The following GPHN variants were observed in gnomAD, a reference collection of about 807,000 sequenced individuals.
GPHN encodes the protein gephyrin.
In GPHN, 17 loss-of-function variants were observed where a neutral mutation model predicts 95.5. The observed-to-expected ratio is 0.18, with a 90% CI of 0.12 to 0.27. The LOEUF (loss-of-function observed/expected upper bound fraction) is 0.27. Ranked by LOEUF, GPHN falls within the 10% of genes least tolerant of loss-of-function variation. The pLI is 1.00. For synonymous variants in GPHN, 320 were observed against 322.5 expected (o/e 0.99, Z 0.08); for missense variants, 660 against 978.1 (o/e 0.67, Z 4.34).
the GPHN span, among the ~76,000 whole-genome samples, chr14:67,625,060 T>C: frequency 6.6e-6 from 1 of 152,030 alleles, no homozygotes; most frequent in South Asian, 2.1e-4. Context: ...TTTCCTAAAA[T>C]TGTCCATTCA....
chr14:67,071,234 A>G (rs2076293993), intron 11 of GPHN, among the ~76,000 whole-genome samples: 1 of 152,226 alleles, frequency 6.6e-6, no homozygotes, highest in Non-Finnish European at 1.5e-5. Context: ...GAACCAACCC[A>G]AATGTCCATC....
the GPHN span, chr14:67,591,810 C>T: frequency 6.6e-6 from 1 of 150,460 alleles, no homozygotes; most frequent in Non-Finnish European, 1.5e-5. Context: ...GTTGGGATTA[C>T]AGGCATGAGC....
chr14:66,810,460 GA>G (rs1447656110), intron 3 of GPHN, among the ~76,000 whole-genome samples: 6 of 151,300 alleles, frequency 4.0e-5, no homozygotes, highest in African/African-American at 2.4e-5. Context: ...ATTCATCATG[GA>G]AAAAAATGTT....
At chr14:67,329,617 T>C in the GPHN span, among the ~76,000 whole-genome samples, 1 of 152,134 alleles carries the variant, frequency 6.6e-6, no homozygotes, top group Non-Finnish European at 1.5e-5. Context: ...TGTGGGTTTG[T>C]CATAAATAGC....
intron 12 of GPHN, among the ~76,000 whole-genome samples, chr14:67,089,933 T>G (rs1013338172): frequency 2.0e-5 from 3 of 152,286 alleles, no homozygotes; most frequent in Admixed American, 6.5e-5. Context: ...TTGTTTTTGT[T>G]TTTCCATGTA....
At chr14:66,964,245 A>G (rs1214594131) in intron 8 of GPHN, among the ~76,000 whole-genome samples, 1 of 152,186 alleles carries the variant, frequency 6.6e-6, no homozygotes, top group Non-Finnish European at 1.5e-5. Context: ...AATAACCAAC[A>G]CATTAAATAT....
At chr14:66,654,621 C>G (rs113112605) in intron 1 of GPHN, among the ~76,000 whole-genome samples, 77 of 152,124 alleles carry the variant, frequency 5.1e-4, no homozygotes, top group African/African-American at 1.6e-3. Context: ...CACTTTCTTA[C>G]CAGGGTTTTT....
chr14:67,727,240 G>C, the GPHN span: 1 of 1,449,566 alleles, frequency 6.9e-7, no homozygotes, highest in South Asian at 1.2e-5. Flanking sequence ...GACCAAATTA[G>C]AGGTCCACAG....
At chr14:67,381,926 C>T in the GPHN span, among the ~76,000 whole-genome samples, 2 of 152,074 alleles carry the variant, frequency 1.3e-5, no homozygotes, top group Non-Finnish European at 2.9e-5. Context: ...TGGTAGAAAG[C>T]CAGCGATGCC....
the GPHN span, chr14:67,575,840 G>A: frequency 6.2e-7 from 1 of 1,613,698 alleles, no homozygotes; most frequent in Non-Finnish European, 8.5e-7. Context: ...TGGGCTGCCT[G>A]CCTGTGCGGG....
At chr14:67,055,276 CAAGAG>C (rs1175003524) in intron 10 of GPHN, among the ~76,000 whole-genome samples, 1 of 152,138 alleles carries the variant, frequency 6.6e-6, no homozygotes, top group East Asian at 1.9e-4. Context: ...AGACACTTCT[CAAGAG>C]AAGATATACA....
chr14:66,943,888 C>T (rs184740719), intron 8 of GPHN, among the ~76,000 whole-genome samples: 3 of 152,256 alleles, frequency 2.0e-5, no homozygotes, highest in Non-Finnish European at 2.9e-5. Context: ...ACCTAATAAA[C>T]AGGCATAGAT....
At chr14:66,611,859 C>T (rs889702453) in intron 1 of GPHN, among the ~76,000 whole-genome samples, 1 of 152,096 alleles carries the variant, frequency 6.6e-6, no homozygotes, top group Admixed American at 6.6e-5. Flanking sequence ...CCATACTATT[C>T]TTCACTGCTA....
chr14:67,336,776 T>TTAAAG, the GPHN span: 2 of 455,902 alleles, frequency 4.4e-6, no homozygotes, highest in Non-Finnish European at 8.8e-6. Context: ...TTACCTATTT[T>TTAAAG]TAAAGTACTT....
the GPHN span, among the ~76,000 whole-genome samples, chr14:67,295,820 T>C: frequency 3.9e-5 from 6 of 152,228 alleles, no homozygotes; most frequent in Non-Finnish European, 8.8e-5. Context: ...CTAAAGCTAA[T>C]GTACCTATAT....
intron 3 of GPHN, among the ~76,000 whole-genome samples, chr14:66,804,235 A>G (rs1348766115): frequency 1.3e-5 from 2 of 152,160 alleles, no homozygotes; most frequent in Non-Finnish European, 2.9e-5. Context: ...TGGGTTTTCC[A>G]TTCCCTCAGT....
At chr14:67,171,421 T>A (rs1421764745) in intron 21 of GPHN, among the ~76,000 whole-genome samples, 1 of 151,880 alleles carries the variant, frequency 6.6e-6, no homozygotes, top group Non-Finnish European at 1.5e-5. Flanking sequence ...TCCTAGCAAT[T>A]CATCAAATAG....
chr14:67,199,110 G>C, the GPHN span: 2 of 1,252,372 alleles, frequency 1.6e-6, no homozygotes, highest in African/African-American at 2.9e-5. Context: ...CACTGTGTAC[G>C]TGGGGGGCCT....
chr14:66,722,683 T>TC (rs962640699), intron 2 of GPHN, among the ~76,000 whole-genome samples: 6 of 151,900 alleles, frequency 3.9e-5, no homozygotes, highest in African/African-American at 7.3e-5. Context: ...CTTCAAGTGA[T>TC]CCCCCCACCT....
Sources: gnomAD v4.1 joint callset for allele counts (sites outside exome capture counted in the v4.1 genomes callset) on GRCh38, gnomAD v4.1.1 for gene constraint, MANE v1.5 for transcripts, NCBI Gene and HGNC (gene_info 2026-07-23, HGNC 2026-07-21) for gene names.